Variants in VMA22 observed in about 807,000 individuals in gnomAD.
VMA22 encodes the protein vacuolar ATPase assembly factor VMA22.
chr2:130,339,171 C>A, the VMA22 span: 3 of 1,614,186 alleles, frequency 1.9e-6, no homozygotes, highest in Non-Finnish European at 2.5e-6. Context: ...GTCCCCGGAG[C>A]TGGCTTCGAC....
chr2:130,341,472 C>T, the VMA22 span: 1 of 585,592 alleles, frequency 1.7e-6, no homozygotes, highest in South Asian at 2.2e-5. Context: ...AATCTATTCC[C>T]AGTGTAAAGC....
At chr2:130,341,579 C>T in the VMA22 span, 4 of 1,174,640 alleles carry the variant, frequency 3.4e-6, no homozygotes, top group Non-Finnish European at 3.7e-6. Context: ...TCTCTCTTAT[C>T]GCAAAAACCT....
chr2:130,341,801 G>GGGCCGCGCCC, the VMA22 span: 1 of 1,378,140 alleles, frequency 7.3e-7, no homozygotes, highest in Non-Finnish European at 9.9e-7. Context: ...CCTAGAACGC[G>GGGCCGCGCCC]CCCGCCCGCC....
the VMA22 span, chr2:130,339,119 G>A: frequency 6.2e-7 from 1 of 1,611,640 alleles, no homozygotes; most frequent in Non-Finnish European, 8.5e-7. Context: ...TTGCGCGCAT[G>A]TCAGGCAGCC....
chr2:130,341,085 C>T, the VMA22 span: 1 of 1,520,740 alleles, frequency 6.6e-7, no homozygotes, highest in Non-Finnish European at 8.8e-7. Flanking sequence ...ACTCCCTGAC[C>T]TTTATCATCT....
At chr2:130,339,364 G>A in the VMA22 span, 24 of 1,335,350 alleles carry the variant, frequency 1.8e-5, no homozygotes, top group Non-Finnish European at 2.4e-5. Context: ...AACATTCCAG[G>A]TACGGCCCTG....
chr2:130,340,797 A>G, the VMA22 span: 1 of 1,365,084 alleles, frequency 7.3e-7, no homozygotes, highest in East Asian at 2.3e-5. Flanking sequence ...GGATGGAGGA[A>G]AACCTGCAAA....
chr2:130,339,775 G>A, the VMA22 span: 1 of 1,303,392 alleles, frequency 7.7e-7, no homozygotes, highest in African/African-American at 1.5e-5. Context: ...GCCCCCAGGT[G>A]TTGCTCCTCA....
chr2:130,342,183 G>T, the VMA22 span: 6 of 1,593,700 alleles, frequency 3.8e-6, no homozygotes, highest in Non-Finnish European at 5.1e-6. Flanking sequence ...CAGTTTGGCA[G>T]GACAGCCAAT....
At chr2:130,340,644 C>G in the VMA22 span, 1 of 490,930 alleles carries the variant, frequency 2.0e-6, no homozygotes, top group African/African-American at 1.9e-5. Context: ...TTGCACGTTG[C>G]CTTTGTCTGC....
the VMA22 span, chr2:130,342,234 G>T: frequency 6.5e-7 from 1 of 1,549,070 alleles, no homozygotes. Context: ...TCCCATCTGG[G>T]GATCCCCACG....
At chr2:130,342,039 C>T in the VMA22 span, 5 of 1,613,836 alleles carry the variant, frequency 3.1e-6, no homozygotes, top group East Asian at 1.1e-4. Context: ...CGTTCAACAC[C>T]GTTCGTTTCC....
At chr2:130,342,594 C>T in the VMA22 span, 34 of 460,068 alleles carry the variant, frequency 7.4e-5, no homozygotes, top group African/African-American at 5.8e-4. Flanking sequence ...ATTGTTTTAG[C>T]GGTTCGTCAT....
chr2:130,341,429 T>C, the VMA22 span: 1 of 568,052 alleles, frequency 1.8e-6, no homozygotes, highest in Non-Finnish European at 3.1e-6. Flanking sequence ...ATAAATATTT[T>C]CTGTTCAGCT....
chr2:130,339,886 G>C, the VMA22 span: 45 of 1,189,132 alleles, frequency 3.8e-5, no homozygotes, highest in Non-Finnish European at 4.8e-5. Flanking sequence ...ACCAGTGTTT[G>C]TGTCAAAAAC....
At chr2:130,342,057 CTCCTCCAGG>C in the VMA22 span, 1 of 1,614,026 alleles carries the variant, frequency 6.2e-7, no homozygotes, top group Non-Finnish European at 8.5e-7. Context: ...TCCCCTCCAG[CTCCTCCAGG>C]TCCCCAAGCA....
chr2:130,340,896 C>T, the VMA22 span: 6 of 1,613,950 alleles, frequency 3.7e-6, no homozygotes, highest in East Asian at 2.2e-5. Flanking sequence ...CCAAACAACA[C>T]GGTCCACTCA....
At chr2:130,341,835 C>T in the VMA22 span, 9 of 1,041,406 alleles carry the variant, frequency 8.6e-6, no homozygotes, top group South Asian at 2.5e-5. Flanking sequence ...ATGGAAGCTT[C>T]CTCACCTGGC....
the VMA22 span, chr2:130,342,417 C>T: frequency 1.8e-6 from 1 of 566,304 alleles, no homozygotes; most frequent in South Asian, 2.4e-5. Flanking sequence ...GCTGCCGAAT[C>T]TTAGAAGTCG....
Sources: gnomAD v4.1 joint callset for allele counts on GRCh38, gnomAD v4.1.1 for gene constraint, MANE v1.5 for transcripts, NCBI Gene and HGNC (gene_info 2026-07-23, HGNC 2026-07-21) for gene names.